The following MAP7D3 variants were observed in gnomAD, a reference collection of about 807,000 sequenced individuals.
MAP7D3 encodes MAP7 domain containing 3.
A neutral mutation model predicts 62.2 loss-of-function variants in MAP7D3; 45 were observed. The ratio of observed to expected loss-of-function variants is 0.72; its 90% CI spans 0.57 to 0.93. The LOEUF (loss-of-function observed/expected upper bound fraction) is 0.93. Ranked by LOEUF, MAP7D3 falls within the 40% of genes least tolerant of loss-of-function variation. MAP7D3 has a pLI of 0.00. For synonymous variants in MAP7D3, 288 were observed against 248.8 expected, an observed-to-expected ratio of 1.16 and a Z score of -1.48; for missense variants, 711 against 683.1, an observed-to-expected ratio of 1.04 and a Z score of -0.45.
upstream of MAP7D3, among the ~76,000 whole-genome samples, chrX:136,252,959 G>A (rs1007740507): frequency 6.5e-5 from 7 of 107,846 alleles, no homozygotes; most frequent in Non-Finnish European, 1.2e-4. Context: ...TTAGCTGGGC[G>A]TCGTGGCGGG....
intron 14 of MAP7D3, among the ~76,000 whole-genome samples, chrX:136,223,604 G>T (rs941505665): frequency 8.1e-5 from 9 of 110,950 alleles, no homozygotes; most frequent in African/African-American, 3.0e-4. Context: ...TCAGAAAAAG[G>T]CAGGTGACAA....
chrX:136,230,589 G>T lies in MAP7D3; in HGVS notation c.1546C>A (p.Gln516Lys). 8.6e-7 allele frequency: 1 copy of T among 1,162,470 alleles called. No individual in the cohort carries two copies. Among genetic ancestry groups the T allele is most frequent in the Non-Finnish European group, 1.2e-6 (1 of 855,314 alleles). Residue 516 changes from glutamine to lysine, a missense_variant, in exon 10 of 19, where the codon CAA becomes AAA. Gln to Lys is a moderately conservative substitution (Grantham distance 53, BLOSUM62 1). Transcript: ENST00000316077. ...GATGGAGGGCAGTTCTTTTGGATTT[G>T]CCTGCTGAGAAAAAGTAATACACAT... ...GLPSPISTNRQIQKNCPPSPL... is the reference protein window; with the variant it reads ...GLPSPISTNRKIQKNCPPSPL...
At chrX:136,251,194 G>A in intron 1 of MAP7D3, 95 bp downstream of exon 1, 2 of 770,137 alleles carry the variant, frequency 2.6e-6, no homozygotes, top group Non-Finnish European at 3.6e-6. Context: ...AAAGTTTTGT[G>A]GCGCCCGCTG....
intron 1 of MAP7D3, among the ~76,000 whole-genome samples, chrX:136,248,844 C>T (rs2074476363): frequency 8.9e-6 from 1 of 112,004 alleles, no homozygotes; most frequent in Non-Finnish European, 1.9e-5. Flanking sequence ...CCAGTTCACA[C>T]AGGTAGTAAG....
chrX:136,225,779 G>A, intron 13 of MAP7D3, 130 bp downstream of exon 13: 1 of 450,765 alleles, frequency 2.2e-6, no homozygotes, highest in Middle Eastern at 3.6e-4. Context: ...GGATAAGGAA[G>A]AGAATCGAGT....
At chrX:136,233,746 ATAGAC>A (rs775076595) in intron 7 of MAP7D3, among the ~76,000 whole-genome samples, 19 of 109,494 alleles carry the variant, frequency 1.7e-4, no homozygotes, top group African/African-American at 5.6e-4. Context: ...ATTACCAAAG[ATAGAC>A]TACTTATGAA....
chrX:136,251,659 C>T (rs1353394611), upstream of MAP7D3: 8 of 447,464 alleles, frequency 1.8e-5, no homozygotes, highest in Non-Finnish European at 1.4e-5. Context: ...GCTTGGCCCC[C>T]CCAACATTCC....
At chrX:136,252,405 G>A (rs1222639413), upstream of MAP7D3, among the ~76,000 whole-genome samples, 1 of 108,359 alleles carries the variant, frequency 9.2e-6, no homozygotes, top group African/African-American at 3.3e-5. Flanking sequence ...GGGCAGGCAC[G>A]GTGGCTCATG....
In MAP7D3 at chrX:136,237,994, C is replaced by T. The variant is rs920907276; in HGVS notation, c.641-1655G>A. On this transcript the variant is annotated intron_variant, in intron 6 of 18. Coordinates refer to ENST00000316077, the MANE Select transcript of MAP7D3 (RefSeq NM_024597.4). ...TGCATTGTTTGGTTTTTTGTCCTTG[C>T]GATAGTTTGCTGAGAATGATGGTTT... 5.5e-5 allele frequency among the ~76,000 whole-genome samples: 6 copies of T among 109,676 alleles called. 1 individual carries two copies. In the South Asian group the frequency reaches 2.0e-3, roughly 36 times the overall value.
Position 136,232,246 on chromosome X carries a change from C to A in MAP7D3, c.737-26G>T, listed in dbSNP as rs182521046. The A allele has an allele frequency of 3.0e-4, 318 of 1,061,355 alleles. No homozygotes were observed. In the African/African-American group the frequency reaches 5.4e-3, roughly 18 times the overall value. 87.5% of individuals were successfully genotyped at this position (1,061,355 alleles called of 1,213,427 possible). The stretch of plus-strand genomic sequence containing the variant: ...CTGAATGAGGACAGAGCATGAAATT[C>A]CCTAAGTTAGAAATCTGACAAGAAA... On this transcript the variant is annotated intron_variant, in intron 7 of 18. Transcript: ENST00000316077.
intron 11 of MAP7D3, among the ~76,000 whole-genome samples, chrX:136,227,765 C>G (rs1275314304): frequency 1.8e-5 from 2 of 111,264 alleles, no homozygotes; most frequent in Non-Finnish European, 3.8e-5. Flanking sequence ...CGTGCTCACA[C>G]CCAATCTCTC....
intron 11 of MAP7D3, among the ~76,000 whole-genome samples, chrX:136,228,035 G>A (rs1338109943): frequency 9.0e-6 from 1 of 111,645 alleles, no homozygotes; most frequent in Non-Finnish European, 1.9e-5. Context: ...AGTGGACAGA[G>A]GTTTACATTA....
rs767671051 is a variant in MAP7D3, at chrX:136,227,381, G to A, written c.1937C>T (p.Ala646Val). The A allele has an allele frequency of 9.2e-6, 11 of 1,192,232 alleles. No homozygotes were observed. The highest frequency in any genetic ancestry group is 6.7e-5 in the Admixed American group (3 of 44,704). The change falls in exon 12 of 19, where the codon GCA (alanine) becomes GTA (valine). Residue 646 changes from alanine (A) to valine (V), a missense_variant. Coordinates refer to ENST00000316077, the MANE Select transcript of MAP7D3 (RefSeq NM_024597.4). ...ATCTTTGAGTTTCAAGTGGTCTTCT[G>A]CTTGGCCTCCAACTGCTTCCTTTGC... ...DMAKEAVGGQ[A>V]EDHLKLKDGQ... is the part of the protein sequence containing the mutation.
intron 12 of MAP7D3, among the ~76,000 whole-genome samples, chrX:136,226,581 G>T (rs1418198711): frequency 1.8e-5 from 2 of 111,711 alleles, no homozygotes; most frequent in African/African-American, 6.5e-5. Context: ...GTAGAAGTAT[G>T]TATGGTTTAT....
chrX:136,220,482 T>C (rs1458866327), intron 16 of MAP7D3, among the ~76,000 whole-genome samples: 1 of 112,354 alleles, frequency 8.9e-6, no homozygotes, highest in Non-Finnish European at 1.9e-5. Context: ...TGGAGCCAGA[T>C]GTATCTGGAA....
upstream of MAP7D3, among the ~76,000 whole-genome samples, chrX:136,252,449 G>A (rs1239085267): frequency 3.8e-5 from 4 of 105,878 alleles, no homozygotes; most frequent in African/African-American, 1.4e-4. Flanking sequence ...GGCTGAGGTG[G>A]GTGGATCATT....
intron 3 of MAP7D3, 61 bp downstream of exon 3, chrX:136,246,004 A>G: frequency 2.5e-6 from 2 of 814,661 alleles, no homozygotes; most frequent in Non-Finnish European, 3.6e-6. Flanking sequence ...AATAAGTTAA[A>G]AACACTTTGC....
intron 14 of MAP7D3, among the ~76,000 whole-genome samples, chrX:136,224,493 AG>A (rs1425454152): frequency 9.1e-6 from 1 of 110,278 alleles, no homozygotes; most frequent in Non-Finnish European, 1.9e-5. Context: ...AAAAAAAAAA[AG>A]AAAAAAAGAA....
rs1449162693 is a variant in MAP7D3, at chrX:136,230,897, A to G, written c.1483T>C (p.Tyr495His). The change falls in exon 9 of 19, where the codon TAT becomes CAT. Residue 495 changes from tyrosine to histidine, a missense_variant. Coordinates refer to ENST00000316077, the MANE Select transcript of MAP7D3 (RefSeq NM_024597.4). ...TTTTCAGGAGATGATGACCATTTAT[A>G]ACACTCAGTGTATGATGATAGACGC... ...KKRLSSYTECYKWSSSPENAC... is the reference protein window; with the variant it reads ...KKRLSSYTECHKWSSSPENAC... 3 of 1,200,277 alleles carry G rather than the reference A, an allele frequency of 2.5e-6. No individual in the cohort carries two copies. The highest frequency in any genetic ancestry group is 3.4e-6 in the Non-Finnish European group (3 of 885,221).
Sources: gnomAD v4.1 joint callset for allele counts (sites outside exome capture counted in the v4.1 genomes callset) on GRCh38, gnomAD v4.1.1 for gene constraint, MANE v1.5 for transcripts, NCBI Gene and HGNC (gene_info 2026-07-23, HGNC 2026-07-21) for gene names.